PFKFB2: variants seen among roughly 807,000 people sequenced by gnomAD.
PFKFB2 encodes the protein 6-phosphofructo-2-kinase/fructose-2,6-bisphosphatase 2.
A neutral mutation model predicts 68.0 loss-of-function variants in PFKFB2; 53 were observed. The ratio of observed to expected loss-of-function variants is 0.78; its 90% CI spans 0.63 to 0.98. The LOEUF is 0.98. Ranked by LOEUF, PFKFB2 falls within the 50% of genes least tolerant of loss-of-function variation. The probability of loss-of-function intolerance (pLI) is 0.00; values close to 1 mark genes in which losing one functional copy is unlikely to be tolerated. For missense variants in PFKFB2, 451 were observed against 642.0 expected, an observed-to-expected ratio of 0.70 and a Z score of 3.22; for synonymous variants, 222 against 227.6, an observed-to-expected ratio of 0.98 and a Z score of 0.22.
chr1:207,075,166 T>C lies in PFKFB2; in HGVS notation c.*2795T>C. 1 of 985,512 alleles carries C rather than the reference T, an allele frequency of 1.0e-6. No homozygotes were observed. Among genetic ancestry groups the C allele is most frequent in the Non-Finnish European group, 1.2e-6 (1 of 829,956 alleles). 61.0% of individuals were successfully genotyped at this position (985,512 alleles called of 1,614,324 possible). On this transcript the variant is annotated 3_prime_UTR_variant, in exon 15 of 15. Coordinates refer to ENST00000367080, the MANE Select transcript of PFKFB2 (RefSeq NM_006212.2). ...CTTCTCTAACAAGCTAGCATTGTGT[T>C]AACCTGTCATTAACCCAGCATTAGA...
chr1:207,049,500 A>C (rs764177106), upstream of PFKFB2: 2 of 1,614,160 alleles, frequency 1.2e-6, no homozygotes, highest in South Asian at 1.1e-5. Context: ...CGCTTGCTAC[A>C]ATTTGTGCTA....
upstream of PFKFB2, among the ~76,000 whole-genome samples, chr1:207,050,457 G>A (rs766802957): frequency 1.3e-5 from 2 of 152,210 alleles, no homozygotes; most frequent in Non-Finnish European, 2.9e-5. Context: ...GAATGGGGAA[G>A]GGGGTCTTCA....
chr1:207,065,872 C>CG (rs949291377), intron 8 of PFKFB2, among the ~76,000 whole-genome samples: 2 of 152,144 alleles, frequency 1.3e-5, no homozygotes, highest in African/African-American at 4.8e-5. Flanking sequence ...AGAGGTTCCC[C>CG]GGGGGGCACA....
intron 1 of PFKFB2, among the ~76,000 whole-genome samples, chr1:207,038,208 T>A (rs1236446144): frequency 6.6e-6 from 1 of 152,218 alleles, no homozygotes; most frequent in Admixed American, 6.5e-5. Flanking sequence ...TGTTCATTCA[T>A]TCAACTATAT....
chr1:207,054,166 T>A (rs1456146861), intron 1 of PFKFB2, among the ~76,000 whole-genome samples: 1 of 151,950 alleles, frequency 6.6e-6, no homozygotes, highest in Non-Finnish European at 1.5e-5. Context: ...CCTCCCCAAG[T>A]GTTGGAATTC....
chr1:207,050,746 G>T (rs35127634), upstream of PFKFB2: 1 of 1,613,272 alleles, frequency 6.2e-7, no homozygotes, highest in Admixed American at 1.7e-5. Flanking sequence ...CCAGGCACTC[G>T]GGAGGGTATC....
intron 8 of PFKFB2, 105 bp downstream of exon 8, chr1:207,065,265 A>AC: frequency 6.5e-7 from 1 of 1,532,602 alleles, no homozygotes; most frequent in Non-Finnish European, 8.8e-7. Flanking sequence ...ATCTAGATCT[A>AC]CAGTGTTAAC....
At position 207,074,037 on chromosome 1, in the gene PFKFB2, T is replaced by C; in HGVS notation, c.*1666T>C. On this transcript the variant is annotated 3_prime_UTR_variant, in exon 15 of 15. Coordinates refer to ENST00000367080, the MANE Select transcript of PFKFB2 (RefSeq NM_006212.2). ...TATTCCTTAGAATTGCCTTTAGGAT[T>C]GTTGAATCATAAACATGCCTGTGTC... 1 of 944,352 alleles carries C rather than the reference T, an allele frequency of 1.1e-6. No individual in the cohort carries two copies. Among genetic ancestry groups the C allele is most frequent in the Non-Finnish European group, 1.3e-6 (1 of 792,434 alleles). The allele number at this position is 944,352 out of a possible 1,614,324, so 58.5% of individuals were successfully genotyped here.
At chr1:207,049,289 G>A (rs1682675460), upstream of PFKFB2, 1 of 1,613,980 alleles carries the variant, frequency 6.2e-7, no homozygotes. Context: ...TAAATAAGCA[G>A]AACCCTTTTG....
Position 207,077,802 on chromosome 1 carries a change from G to A in PFKFB2, c.*5431G>A. 1.0e-6 allele frequency: 1 copy of A among 985,688 alleles called. No individual in the cohort carries two copies. Among genetic ancestry groups the A allele is most frequent in the Non-Finnish European group, 1.2e-6 (1 of 829,834 alleles). The allele number at this position is 985,688 out of a possible 1,614,324, so 61.1% of individuals were successfully genotyped here. A position where few individuals can be genotyped will look rare whatever the true frequency, so the allele number is the denominator to read the frequency against. On this transcript the variant is annotated 3_prime_UTR_variant, in exon 15 of 15. Transcript: ENST00000367080. The stretch of plus-strand genomic sequence containing the variant: ...TGTAGAATGGGTAAATAAAATTGTT[G>A]AGTAACTTGAACCTATCAGAAGGCT...
upstream of PFKFB2, chr1:207,050,785 G>A: frequency 6.2e-7 from 1 of 1,613,408 alleles, no homozygotes; most frequent in African/African-American, 1.3e-5. Flanking sequence ...CGCCGGGGGC[G>A]ATCCCGGTGA....
Position 207,067,571 on chromosome 1 carries a change from G to A in PFKFB2, c.705G>A (p.Gln235=). Residue 235 remains glutamine, a synonymous_variant, in exon 9 of 15, where the codon CAG becomes CAA. Transcript: ENST00000367080. ...TCAACAGAGTCCAGGACTACATCCA[G>A]AGCAAGATAGTCTACTACCTCATGA... The part of the protein sequence containing the change: ...FLVNRVQDYI[Q]SKIVYYLMNI... The A allele has an allele frequency of 6.2e-7, 1 of 1,613,858 alleles. No homozygotes were observed. Among genetic ancestry groups the A allele is most frequent in the East Asian group, 2.2e-5 (1 of 44,866 alleles).
intron 2 of PFKFB2, 53 bp downstream of exon 2, chr1:207,054,855 A>C: frequency 8.0e-7 from 1 of 1,255,318 alleles, no homozygotes; most frequent in Non-Finnish European, 1.2e-6. Context: ...TTATCTTGGG[A>C]ATATAGTTAT....
At chr1:207,062,514 C>CT (rs1683149065) in intron 3 of PFKFB2, 106 bp from the exon 4 acceptor site, 3 of 1,524,326 alleles carry the variant, frequency 2.0e-6, no homozygotes, top group African/African-American at 2.8e-5. Context: ...CATGCTGCCG[C>CT]TTTTTTCATC....
downstream of PFKFB2, chr1:207,079,382 T>C (rs1683708548): frequency 3.5e-6 from 1 of 286,306 alleles, no homozygotes; most frequent in Non-Finnish European, 6.7e-6. Context: ...AAAGTGCAAA[T>C]GCACTTCTTC....
chr1:207,080,486 C>T (rs1053571704), downstream of PFKFB2: 1 of 152,190 alleles, frequency 6.6e-6, no homozygotes, highest in African/African-American at 2.4e-5. Flanking sequence ...AGGCTCCTTA[C>T]CCTGTAGCAG....
chr1:207,035,050 TC>T, intron 1 of PFKFB2: 1 of 610,350 alleles, frequency 1.6e-6, no homozygotes, highest in Non-Finnish European at 2.1e-6. Flanking sequence ...GAATAAGACT[TC>T]CTGGTTGATA....
In PFKFB2 at chr1:207,077,319, T is replaced by A; in HGVS notation, c.*4948T>A. On this transcript the variant is annotated 3_prime_UTR_variant, in exon 15 of 15. Coordinates refer to ENST00000367080, the MANE Select transcript of PFKFB2 (RefSeq NM_006212.2). ...TAGTAAGTAAAAATGAGAAGAAAAT[T>A]TGGCATTTAAAAATTGATTTTAAGG... 1.0e-6 allele frequency: 1 copy of A among 985,258 alleles called. No homozygotes were observed. The highest frequency in any genetic ancestry group is 4.7e-5 in the South Asian group (1 of 21,282). The allele number at this position is 985,258 out of a possible 1,614,324, so 61.0% of individuals were successfully genotyped here. A position where few individuals can be genotyped will look rare whatever the true frequency, so the allele number is the denominator to read the frequency against.
In PFKFB2 at chr1:207,065,280, TC is replaced by T. The variant is rs552311158; in HGVS notation, c.632+123del. 2.1e-4 allele frequency: 307 copies of T among 1,493,564 alleles called. 1 individual carries two copies. In the African/African-American group the frequency reaches 4.0e-3, roughly 20 times the overall value. 92.5% of individuals were successfully genotyped at this position (1,493,564 alleles called of 1,614,324 possible). The stretch of plus-strand genomic sequence containing the variant: ...ATCTAGATCTACAGTGTTAACATCA[TC>T]CCAGAGAAATAAGGTATGGATTTGT... On this transcript the variant is annotated intron_variant, in intron 8 of 14. Coordinates refer to ENST00000367080, the MANE Select transcript of PFKFB2 (RefSeq NM_006212.2).
Sources: allele counts gnomAD v4.1 joint callset (sites outside exome capture counted in the v4.1 genomes callset), GRCh38; gene constraint gnomAD v4.1.1; transcripts MANE v1.5; gene names NCBI Gene and HGNC (gene_info 2026-07-23, HGNC 2026-07-21).